Variants in MED12L observed in about 807,000 individuals in gnomAD.
The protein encoded by MED12L is mediator of RNA polymerase II transcription subunit 12-like protein.
Under a neutral mutation model 281.3 loss-of-function variants are expected in MED12L, and 60 were observed. That is an observed-to-expected ratio of 0.21 (90% CI 0.17 to 0.26). The LOEUF (loss-of-function observed/expected upper bound fraction) is 0.26. MED12L is among the 10% of genes least tolerant of loss of function. MED12L has a pLI of 1.00. For missense variants in MED12L, 2,146 were observed against 2,680.9 expected, an observed-to-expected ratio of 0.80 and a Z score of 4.41; for synonymous variants, 974 against 987.2, an observed-to-expected ratio of 0.99 and a Z score of 0.25.
intron 5 of MED12L, among the ~76,000 whole-genome samples, chr3:151,144,603 A>G (rs1717517077): frequency 6.6e-6 from 1 of 152,170 alleles, no homozygotes; most frequent in South Asian, 2.1e-4. Flanking sequence ...ACTACCTGAC[A>G]CACAACTGGG....
chr3:151,313,316 C>G (rs1303471845), intron 16 of MED12L, among the ~76,000 whole-genome samples: 2 of 152,162 alleles, frequency 1.3e-5, no homozygotes, highest in Non-Finnish European at 2.9e-5. Flanking sequence ...CATTTATCTA[C>G]TGTAGTCTAT....
chr3:151,204,781 G>A (rs897196042), intron 16 of MED12L, among the ~76,000 whole-genome samples: 1 of 152,194 alleles, frequency 6.6e-6, no homozygotes, highest in Non-Finnish European at 1.5e-5. Flanking sequence ...AAACTGGGAT[G>A]AAAGATTTTT....
chr3:151,334,050 C>T (rs1270868089), intron 16 of MED12L, among the ~76,000 whole-genome samples: 1 of 151,528 alleles, frequency 6.6e-6, no homozygotes, highest in African/African-American at 2.4e-5. Flanking sequence ...GCACTCCAGC[C>T]TGGGTGACAG....
intron 5 of MED12L, among the ~76,000 whole-genome samples, chr3:151,145,688 C>G (rs1216809817): frequency 2.6e-5 from 4 of 152,196 alleles, no homozygotes; most frequent in African/African-American, 9.6e-5. Flanking sequence ...CTACAGTTAT[C>G]TCAAAATAAG....
chr3:151,171,414 G>A (rs1721414520), intron 11 of MED12L, among the ~76,000 whole-genome samples: 1 of 152,200 alleles, frequency 6.6e-6, no homozygotes, highest in South Asian at 2.1e-4. Flanking sequence ...AGAAGGGACA[G>A]GCTAAAGGTG....
intron 8 of MED12L, among the ~76,000 whole-genome samples, chr3:151,162,332 A>G (rs143006035): frequency 3.1e-4 from 47 of 152,290 alleles, no homozygotes; most frequent in Non-Finnish European, 1.3e-4. Flanking sequence ...GGGACTTGAC[A>G]TTCTTTGTAT....
chr3:151,397,564 A>C (rs1170117595), intron 39 of MED12L, among the ~76,000 whole-genome samples: 1 of 152,178 alleles, frequency 6.6e-6, no homozygotes, highest in African/African-American at 2.4e-5. Context: ...GGCAGAAAAA[A>C]ATTCTTCTGA....
intron 43 of MED12L, among the ~76,000 whole-genome samples, chr3:151,422,768 A>G (rs9840738): frequency 0.84 from 126,356 of 150,290 alleles, 53,315 homozygotes; most frequent in Middle Eastern, 0.97. Context: ...AAGCCTTGAC[A>G]GAGGAGGCTG....
At chr3:151,366,372 G>A (rs1333655484) in intron 23 of MED12L, among the ~76,000 whole-genome samples, 5 of 152,128 alleles carry the variant, frequency 3.3e-5, no homozygotes, top group Non-Finnish European at 7.4e-5. Context: ...TCTGAAGAAG[G>A]CCACTTTGAT....
intron 39 of MED12L, among the ~76,000 whole-genome samples, chr3:151,408,997 A>G (rs1716655346): frequency 6.6e-6 from 1 of 152,208 alleles, no homozygotes; most frequent in African/African-American, 2.4e-5. Context: ...GACCATTGAT[A>G]ACTTAGGCTT....
chr3:151,127,751 C>G, intron 4 of MED12L, 74 bp from the exon 5 acceptor site: 1 of 1,050,044 alleles, frequency 9.5e-7, no homozygotes, highest in South Asian at 1.7e-5. Context: ...CTTTTGCTTC[C>G]CCTTTATTTA....
At chr3:151,295,191 C>T (rs1179388431) in intron 16 of MED12L, 31 of 1,608,586 alleles carry the variant, frequency 1.9e-5, no homozygotes, top group Non-Finnish European at 2.6e-5. Flanking sequence ...TTGTGACTCT[C>T]TTGGCCGTGC....
intron 16 of MED12L, among the ~76,000 whole-genome samples, chr3:151,252,773 T>G (rs1409662852): frequency 6.6e-6 from 1 of 152,196 alleles, no homozygotes; most frequent in Non-Finnish European, 1.5e-5. Context: ...ATCTACTAAC[T>G]TATCTACTAA....
intron 16 of MED12L, among the ~76,000 whole-genome samples, chr3:151,248,429 ACTGT>A (rs1281441693): frequency 1.3e-5 from 2 of 151,948 alleles, no homozygotes; most frequent in South Asian, 2.1e-4. Context: ...TTTAAACCAA[ACTGT>A]CTGGTTTTTG....
At chr3:151,316,625 G>A (rs1429588521) in intron 16 of MED12L, 1 of 152,114 alleles carries the variant, frequency 6.6e-6, no homozygotes, top group Non-Finnish European at 1.5e-5. Context: ...ACCTCATACG[G>A]TGTCTTCAAG....
chr3:151,193,483 G>A lies in MED12L; in HGVS notation c.2074-7G>A. The A allele has an allele frequency of 6.2e-7, 1 of 1,608,368 alleles. No homozygotes were observed. Among genetic ancestry groups the A allele is most frequent in the African/African-American group, 1.3e-5 (1 of 74,784 alleles). Reference sequence around the variant, plus strand: ...ACAATCTCCAACATTTGTTTTACATGACTTAGATTTTTTCTCCTATGCCTG... The same window carrying A: ...ACAATCTCCAACATTTGTTTTACATAACTTAGATTTTTTCTCCTATGCCTG... On this transcript the variant is annotated splice_region_variant and splice_polypyrimidine_tract_variant and intron_variant, in intron 15 of 44. Coordinates refer to ENST00000687756, the MANE Select transcript of MED12L (RefSeq NM_001393769.1).
chr3:151,366,413 A>G (rs921212637), intron 23 of MED12L, among the ~76,000 whole-genome samples: 4 of 152,218 alleles, frequency 2.6e-5, no homozygotes, highest in African/African-American at 9.6e-5. Flanking sequence ...GTATACAAAT[A>G]AAGGCTTTGT....
intron 16 of MED12L, among the ~76,000 whole-genome samples, chr3:151,277,943 A>G (rs1742168603): frequency 6.6e-6 from 1 of 152,216 alleles, no homozygotes; most frequent in African/African-American, 2.4e-5. Context: ...TTGAGAAGCA[A>G]TTTTAATACA....
At chr3:151,432,505 G>A (rs758330059) in intron 44 of MED12L, among the ~76,000 whole-genome samples, 1 of 152,216 alleles carries the variant, frequency 6.6e-6, no homozygotes, top group South Asian at 2.1e-4. Flanking sequence ...GAGACACTCT[G>A]GATGGGCCAG....
Sources: gnomAD v4.1 joint callset for allele counts (sites outside exome capture counted in the v4.1 genomes callset) on GRCh38, gnomAD v4.1.1 for gene constraint, MANE v1.5 for transcripts, NCBI Gene and HGNC (gene_info 2026-07-23, HGNC 2026-07-21) for gene names.